Variants in TSC22D2 observed in about 807,000 individuals in gnomAD.
The protein encoded by TSC22D2 is TSC22 domain family protein 2.
A neutral mutation model predicts 50.1 loss-of-function variants in TSC22D2; 5 were observed. The observed-to-expected ratio is 0.10, with a 90% CI of 0.05 to 0.21. The LOEUF (loss-of-function observed/expected upper bound fraction) is 0.21, where lower values mean the gene tolerates loss of function less well. TSC22D2 is among the 10% of genes least tolerant of loss of function. The pLI is 1.00. For synonymous variants in TSC22D2, 501 were observed against 450.1 expected (o/e 1.11, Z -1.43); for missense variants, 1,003 against 1,015.5 (o/e 0.99, Z 0.17).
chr3:150,425,332 C>T (rs921688751), intron 1 of TSC22D2, among the ~76,000 whole-genome samples: 2 of 152,090 alleles, frequency 1.3e-5, no homozygotes, highest in Non-Finnish European at 2.9e-5. Context: ...CGAGACCAGC[C>T]TGGTCAACAT....
At position 150,462,900 on chromosome 3, in the gene TSC22D2, A is replaced by G. The variant is rs901424706; in HGVS notation, c.*4264A>G. 1 of 152,162 alleles carries G rather than the reference A, an allele frequency of 6.6e-6. No homozygotes were observed. Among genetic ancestry groups the G allele is most frequent in the Admixed American group, 6.5e-5 (1 of 15,276 alleles). The allele number at this position is 152,162 out of a possible 1,614,324, so 9.4% of individuals were successfully genotyped here. A position where few individuals can be genotyped will look rare whatever the true frequency, so the allele number is the denominator to read the frequency against. On this transcript the variant is annotated 3_prime_UTR_variant, in exon 3 of 3. Transcript: ENST00000688009. ...CTCCCCCGCCCGCCTGGGCCTCCCA[A>G]AGTGTTGGGATTACAGGCGTGAGCC... is the stretch of plus-strand genomic sequence containing the variant.
rs1408907722 is a variant in TSC22D2 at position 150,463,105 on chromosome 3, G to A, written c.*4469G>A. 4 of 152,202 alleles carry A rather than the reference G, an allele frequency of 2.6e-5. No individual in the cohort carries two copies. The highest frequency in any genetic ancestry group is 5.9e-5 in the Non-Finnish European group (4 of 68,050). The allele number at this position is 152,202 out of a possible 1,614,324, so 9.4% of individuals were successfully genotyped here. ...AAAAGGGTTGGGGAATGGAACCTTT[G>A]CTGTCACTATGCCTGTCTCTCAATT... On this transcript the variant is annotated 3_prime_UTR_variant, in exon 3 of 3. Transcript: ENST00000688009.
intron 1 of TSC22D2, chr3:150,438,220 C>T (rs1167076995): frequency 1.4e-5 from 6 of 424,084 alleles, no homozygotes; most frequent in East Asian, 7.1e-5. Context: ...AATTCAGCAT[C>T]GGAGGAGGAA....
At chr3:150,426,514 C>A (rs1041756019) in intron 1 of TSC22D2, among the ~76,000 whole-genome samples, 1 of 152,054 alleles carries the variant, frequency 6.6e-6, no homozygotes, top group African/African-American at 2.4e-5. Flanking sequence ...CTTCTAAATA[C>A]CAGGTCACTA....
chr3:150,457,914 G>T (rs891040917), intron 2 of TSC22D2, among the ~76,000 whole-genome samples: 15 of 152,166 alleles, frequency 9.9e-5, no homozygotes, highest in African/African-American at 3.6e-4. Context: ...GGGATTACCG[G>T]TGTGAGACCT....
rs1037888727 is a variant in TSC22D2, at chr3:150,459,778, C to T, written c.*1142C>T. The T allele has an allele frequency of 1.4e-5, 2 of 140,280 alleles. No individual in the cohort carries two copies. Among genetic ancestry groups the T allele is most frequent in the African/African-American group, 2.7e-5 (1 of 37,462 alleles). The allele number at this position is 140,280 out of a possible 1,614,324, so 8.7% of individuals were successfully genotyped here. ...GTGAACAATGTCAAATAAAAGAGAA[C>T]GAACAGGTAGTTTGGTGGAGCTGAG... On this transcript the variant is annotated 3_prime_UTR_variant, in exon 3 of 3. Transcript: ENST00000688009.
At chr3:150,448,720 T>C (rs1455610012) in intron 1 of TSC22D2, among the ~76,000 whole-genome samples, 1 of 152,114 alleles carries the variant, frequency 6.6e-6, no homozygotes. Context: ...TTAGTTCAGC[T>C]AGTTTTAAAA....
rs1332151800 is a variant in TSC22D2 at position 150,464,370 on chromosome 3, T to C, written c.*5734T>C. 1 of 152,168 alleles carries C rather than the reference T, an allele frequency of 6.6e-6. No homozygotes were observed. Among genetic ancestry groups the C allele is most frequent in the African/African-American group, 2.4e-5 (1 of 41,436 alleles). The allele number at this position is 152,168 out of a possible 1,614,324, so 9.4% of individuals were successfully genotyped here. A position where few individuals can be genotyped will look rare whatever the true frequency, so the allele number is the denominator to read the frequency against. On this transcript the variant is annotated 3_prime_UTR_variant, in exon 3 of 3. Coordinates refer to ENST00000688009, the MANE Select transcript of TSC22D2 (RefSeq NM_001303264.2). ...TAATAAAAAGAAACATGTATGACTT[T>C]GTAAAACCCTAAAAGTGATGTTTTC... is the stretch of plus-strand genomic sequence containing the variant.
intron 1 of TSC22D2, among the ~76,000 whole-genome samples, chr3:150,452,301 A>C (rs996411180): frequency 2.7e-4 from 41 of 151,986 alleles, no homozygotes; most frequent in African/African-American, 8.7e-4. Flanking sequence ...CAAAATTAGC[A>C]GGGCATGGTG....
intron 1 of TSC22D2, among the ~76,000 whole-genome samples, chr3:150,426,963 A>G (rs567029992): frequency 1.3e-5 from 2 of 151,870 alleles, no homozygotes; most frequent in South Asian, 4.2e-4. Context: ...AGTATTTCCT[A>G]TCATTGTTTC....
chr3:150,409,625 G>A lies in TSC22D2; in HGVS notation c.275G>A (p.Gly92Glu). 1 of 1,609,680 alleles carries A rather than the reference G, an allele frequency of 6.2e-7. No individual in the cohort carries two copies. Among genetic ancestry groups the A allele is most frequent in the Non-Finnish European group, 8.5e-7 (1 of 1,177,656 alleles). ...GTCTCCCCAAACCTCCTCCTAGATG[G>A]GCAGCTGGCAGCGGCGGCTGCTGCT... The part of the protein sequence containing the change: ...GTVSPNLLLD[G>E]QLAAAAAAPA... Residue 92 changes from glycine (G) to glutamate (E), a missense_variant, in exon 1 of 3, where the codon GGG becomes GAG. Physicochemically the swap from Gly to Glu is moderately conservative, Grantham distance 98 (BLOSUM62 -2). Coordinates refer to ENST00000688009, the MANE Select transcript of TSC22D2 (RefSeq NM_001303264.2). The surrounding 1 kb of genome is among the most constrained non-coding windows in gnomAD (Gnocchi z 7.4).
Position 150,409,315 on chromosome 3 carries a change from G to T in TSC22D2, c.-36G>T. The stretch of plus-strand genomic sequence containing the variant: ...CCGGTTTCCGACAGGACCCAGAGGA[G>T]CCGGCGTGCCTCTCTGCCCTCCAGC... On this transcript the variant is annotated 5_prime_UTR_variant, in exon 1 of 3. Transcript: ENST00000688009. This position sits in a 1 kb window ranked among gnomAD's most constrained non-coding sequence, Gnocchi z 7.4. 6.4e-7 allele frequency: 1 copy of T among 1,552,196 alleles called. No homozygotes were observed. Among genetic ancestry groups the T allele is most frequent in the Non-Finnish European group, 8.7e-7 (1 of 1,144,890 alleles).
In TSC22D2 at chr3:150,463,358, T is replaced by G. The variant is rs999856806; in HGVS notation, c.*4722T>G. On this transcript the variant is annotated 3_prime_UTR_variant, in exon 3 of 3. Transcript: ENST00000688009. ...GCAGGCTTCTTTTTTCTAAGTCTCC[T>G]GCCTATCCAAAACCAGACCTTTTCT... 2.6e-5 allele frequency: 4 copies of G among 152,270 alleles called. No individual in the cohort carries two copies. Among genetic ancestry groups the G allele is most frequent in the African/African-American group, 9.6e-5 (4 of 41,470 alleles). 9.4% of individuals were successfully genotyped at this position (152,270 alleles called of 1,614,324 possible). A position where few individuals can be genotyped will look rare whatever the true frequency, so the allele number is the denominator to read the frequency against.
At chr3:150,444,489 G>T (rs771327547) in intron 1 of TSC22D2, among the ~76,000 whole-genome samples, 14 of 152,118 alleles carry the variant, frequency 9.2e-5, no homozygotes, top group African/African-American at 3.4e-4. Context: ...AATTATGGAC[G>T]AATCAGAGAA....
intron 1 of TSC22D2, among the ~76,000 whole-genome samples, chr3:150,456,669 G>A (rs951327196): frequency 1.3e-5 from 2 of 151,988 alleles, no homozygotes; most frequent in African/African-American, 4.8e-5. Context: ...ACTACAATAA[G>A]TAATTATTGG....
Position 150,410,139 on chromosome 3 carries a change from G to C in TSC22D2, c.789G>C (p.Pro263=), listed in dbSNP as rs916050354. The C allele has an allele frequency of 6.2e-7, 1 of 1,612,032 alleles. No individual in the cohort carries two copies. Among genetic ancestry groups the C allele is most frequent in the East Asian group, 2.2e-5 (1 of 44,830 alleles). Residue 263 remains proline, a synonymous_variant, in exon 1 of 3, where the codon CCG becomes CCC. Coordinates refer to ENST00000688009, the MANE Select transcript of TSC22D2 (RefSeq NM_001303264.2). ...PPSEKMSQPT[P]AQPQSFSVGQ... Reference sequence around the variant, plus strand: ...CGGAGAAAATGAGCCAGCCCACTCCGGCCCAGCCGCAGAGTTTTAGCGTTG... The same window carrying C: ...CGGAGAAAATGAGCCAGCCCACTCCCGCCCAGCCGCAGAGTTTTAGCGTTG...
At position 150,459,569 on chromosome 3, in the gene TSC22D2, G is replaced by GTTGTTTTTTTTTTTTT. The variant is rs1721310171; in HGVS notation, c.*934_*949dup. ...GTGTAATGGAGTTTGGTTTTTTTTT[G>GTTGTTTTTTTTTTTTT]TTGTTTTTTTTTTTTTGTCTTTTTT... On this transcript the variant is annotated 3_prime_UTR_variant, in exon 3 of 3. Transcript: ENST00000688009. 1.2e-5 allele frequency: 1 copy of GTTGTTTTTTTTTTTTT among 86,048 alleles called. No homozygotes were observed. The highest frequency in any genetic ancestry group is 2.5e-5 in the Non-Finnish European group (1 of 40,224). The allele number at this position is 86,048 out of a possible 1,614,324, so 5.3% of individuals were successfully genotyped here.
Position 150,462,530 on chromosome 3 carries a change from G to C in TSC22D2, c.*3894G>C, listed in dbSNP as rs1256757026. 1.3e-5 allele frequency: 2 copies of C among 151,996 alleles called. No individual in the cohort carries two copies. The highest frequency in any genetic ancestry group is 4.8e-5 in the African/African-American group (2 of 41,400). 9.4% of individuals were successfully genotyped at this position (151,996 alleles called of 1,614,324 possible). A position where few individuals can be genotyped will look rare whatever the true frequency, so the allele number is the denominator to read the frequency against. On this transcript the variant is annotated 3_prime_UTR_variant, in exon 3 of 3. Transcript: ENST00000688009. ...AAATTACATAGGCAATTTTGTGAAG[G>C]TCATGAAGGAAGTTTGTCTTGGGTC...
At position 150,410,663 on chromosome 3, in the gene TSC22D2, C is replaced by G. The variant is rs202161101; in HGVS notation, c.1313C>G (p.Ala438Gly). 30 of 1,554,250 alleles carry G rather than the reference C, an allele frequency of 1.9e-5. No individual in the cohort carries two copies. Among genetic ancestry groups the G allele is most frequent in the Non-Finnish European group, 2.6e-5 (30 of 1,152,190 alleles). ...GASSQPSEAM[A>G]PRTGPAQGGQ... ...TCTTCCCAGCCCAGCGAAGCCATGG[C>G]CCCCCGGACGGGACCAGCGCAAGGC... Residue 438 changes from alanine to glycine, a missense_variant, in exon 1 of 3, where the codon GCC becomes GGC. By Grantham distance (60) the Ala-to-Gly change is moderately conservative (BLOSUM62 0). Around this residue, in one of 6 missense-constraint regions of TSC22D2, gnomAD observed 696 missense variants for 647.8 expected, o/e 1.07. Transcript: ENST00000688009.
Sources: allele counts gnomAD v4.1 joint callset (sites outside exome capture counted in the v4.1 genomes callset), GRCh38; gene constraint gnomAD v4.1.1; regional missense constraint gnomAD v4.1.1; non-coding constraint Gnocchi (gnomAD v3.1); transcripts MANE v1.5; gene names NCBI Gene and HGNC (gene_info 2026-07-23, HGNC 2026-07-21).